Variants in ARCN1 observed in about 807,000 individuals in gnomAD.
The protein encoded by ARCN1 is coatomer subunit delta.
A neutral mutation model predicts 60.4 loss-of-function variants in ARCN1; 5 were observed. The observed-to-expected ratio is 0.08, with a 90% CI of 0.04 to 0.17. ARCN1 has a LOEUF of 0.17. Among genes scored for constraint, ARCN1 ranks in the 10% least tolerant of loss-of-function variants. The pLI, the probability that ARCN1 is intolerant of heterozygous loss-of-function variation, is 1.00. For synonymous variants in ARCN1, 224 were observed against 220.0 expected (o/e 1.02, Z -0.16); for missense variants, 464 against 626.5 (o/e 0.74, Z 2.77).
At chr11:118,578,231 C>T (rs1341396425) in intron 1 of ARCN1, among the ~76,000 whole-genome samples, 11 of 151,674 alleles carry the variant, frequency 7.3e-5, no homozygotes, top group Admixed American at 6.6e-4. Context: ...TAGTAACATA[C>T]ACCTTTTTGT....
chr11:118,596,363 C>T (rs999694793), intron 8 of ARCN1, among the ~76,000 whole-genome samples: 5 of 152,120 alleles, frequency 3.3e-5, no homozygotes, highest in African/African-American at 1.2e-4. Flanking sequence ...ATTTTGAGGC[C>T]TGTCTACCCT....
At chr11:118,585,129 G>A (rs548115568) in intron 5 of ARCN1, among the ~76,000 whole-genome samples, 3 of 151,618 alleles carry the variant, frequency 2.0e-5, no homozygotes, top group Non-Finnish European at 2.9e-5. Flanking sequence ...CCCGGCTGTT[G>A]TTTTGTTTTA....
intron 1 of ARCN1, chr11:118,573,862 A>G (rs1565356355): frequency 7.6e-6 from 4 of 523,218 alleles, no homozygotes; most frequent in Non-Finnish European, 1.4e-5. Flanking sequence ...TTGTATTTTC[A>G]GTTTCTCCAG....
intron 2 of ARCN1, among the ~76,000 whole-genome samples, chr11:118,582,818 A>C (rs868929505): frequency 2.0e-5 from 3 of 151,858 alleles, no homozygotes; most frequent in Non-Finnish European, 2.9e-5. Context: ...AGGCAAGCGG[A>C]TCACCTGAGG....
At chr11:118,597,976 T>C in intron 9 of ARCN1, 65 bp downstream of exon 9, 1 of 1,524,414 alleles carries the variant, frequency 6.6e-7, no homozygotes, top group South Asian at 1.2e-5. Context: ...ACGTATAGGA[T>C]GCCAGACAGG....
At chr11:118,572,655 A>T in intron 1 of ARCN1, 105 bp downstream of exon 1, 4 of 1,444,830 alleles carry the variant, frequency 2.8e-6, no homozygotes, top group Non-Finnish European at 3.8e-6. Flanking sequence ...CTGAGGGTCT[A>T]GGGCAGAGTG....
chr11:118,581,405 A>C lies in ARCN1; in HGVS notation c.163A>C (p.Arg55=), dbSNP rs530734033. The part of the protein sequence containing the change: ...QHTFVETESV[R]YVYQPMEKLY... ...TACGTTTGTTGAAACAGAGAGTGTA[A>C]GATATGTCTACCAGCCTATGGAGAA... The change falls in exon 2 of 10, where the codon AGA becomes CGA. Residue 55 remains arginine (R), a synonymous_variant. Transcript: ENST00000264028. 64 of 1,614,192 alleles carry C rather than the reference A, an allele frequency of 4.0e-5. No homozygotes were observed. The South Asian group carries it at 6.4e-4, about 16-fold the overall frequency.
rs782747110 is a variant in ARCN1 at position 118,590,525 on chromosome 11, T to C, written c.984+19T>C. The C allele has an allele frequency of 1.1e-5, 17 of 1,612,934 alleles. No homozygotes were observed. In the South Asian group the frequency reaches 1.9e-4, roughly 18 times the overall value. ...GCTACAGGTGTGTAGAAGCTTTTGA[T>C]AGGGAGTATTAACACTTTGTCTACC... On this transcript the variant is annotated intron_variant, in intron 6 of 9. Transcript: ENST00000264028.
intron 1 of ARCN1, among the ~76,000 whole-genome samples, chr11:118,581,040 A>G (rs1263834260): frequency 1.3e-5 from 2 of 152,094 alleles, no homozygotes; most frequent in Admixed American, 6.6e-5. Flanking sequence ...GGATTTCTTG[A>G]GCCCAGGAGT....
At chr11:118,592,969 A>T in intron 7 of ARCN1, 113 bp downstream of exon 7, 1 of 1,158,792 alleles carries the variant, frequency 8.6e-7, no homozygotes, top group Non-Finnish European at 1.2e-6. Flanking sequence ...TGACAAAATG[A>T]CTTTCTTTTG....
chr11:118,574,815 G>C (rs1555073158), intron 1 of ARCN1, among the ~76,000 whole-genome samples: 2 of 151,910 alleles, frequency 1.3e-5, no homozygotes, highest in African/African-American at 4.8e-5. Flanking sequence ...GAGGGCAGTA[G>C]CTATTCACAG....
intron 8 of ARCN1, among the ~76,000 whole-genome samples, chr11:118,594,667 A>G (rs1938986659): frequency 6.6e-6 from 1 of 152,146 alleles, no homozygotes; most frequent in African/African-American, 2.4e-5. Flanking sequence ...CTCCTGCCTC[A>G]GCCTCCCGAG....
intron 1 of ARCN1, among the ~76,000 whole-genome samples, chr11:118,577,177 ACT>A (rs1459480135): frequency 1.3e-5 from 2 of 151,944 alleles, no homozygotes; most frequent in Non-Finnish European, 2.9e-5. Flanking sequence ...ATAGAGCAAG[ACT>A]CTGTTTCAAA....
At chr11:118,597,444 A>T (rs963840715) in intron 8 of ARCN1, among the ~76,000 whole-genome samples, 4 of 152,182 alleles carry the variant, frequency 2.6e-5, no homozygotes, top group African/African-American at 2.4e-5. Context: ...TCTAGTCCTT[A>T]AGTTGGAGCA....
chr11:118,594,385 C>G (rs1306382532), intron 8 of ARCN1, among the ~76,000 whole-genome samples: 1 of 151,932 alleles, frequency 6.6e-6, no homozygotes, highest in Admixed American at 6.6e-5. Context: ...TAAGCGTGAG[C>G]CACCACACCC....
At position 118,601,429 on chromosome 11, in the gene ARCN1, A is replaced by T. The variant is rs377711175; in HGVS notation, c.*715A>T. 1,273 of 605,294 alleles carry T rather than the reference A, an allele frequency of 2.1e-3. 11 individuals are homozygous for T. Among genetic ancestry groups the T allele is most frequent in the African/African-American group, 0.019 (1,027 of 53,804 alleles). 37.5% of individuals were successfully genotyped at this position (605,294 alleles called of 1,614,324 possible). Reference sequence around the variant, plus strand: ...TATATTTCATACTTAGTTTGTTTTTAAAAAGTTTTCTCTGTAGAAAATTTT... The same window carrying T: ...TATATTTCATACTTAGTTTGTTTTTTAAAAGTTTTCTCTGTAGAAAATTTT... On this transcript the variant is annotated 3_prime_UTR_variant, in exon 10 of 10. Transcript: ENST00000264028.
intron 1 of ARCN1, chr11:118,573,479 G>C: frequency 4.1e-6 from 2 of 488,346 alleles, no homozygotes; most frequent in Non-Finnish European, 7.3e-6. Context: ...TTCCTTTATC[G>C]CTGTGATTTG....
intron 1 of ARCN1, among the ~76,000 whole-genome samples, chr11:118,577,128 A>T (rs1395565209): frequency 1.3e-5 from 2 of 152,214 alleles, no homozygotes; most frequent in African/African-American, 4.8e-5. Flanking sequence ...TTGAGGCTGC[A>T]CTGAGCCAAG....
chr11:118,597,663 C>A, intron 8 of ARCN1, 44 bp from the exon 9 acceptor site: 2 of 1,600,490 alleles, frequency 1.2e-6, no homozygotes, highest in Non-Finnish European at 1.7e-6. Flanking sequence ...TGGTGGAGTT[C>A]TAGCTCTGAA....
Sources: gnomAD v4.1 joint callset for allele counts (sites outside exome capture counted in the v4.1 genomes callset) on GRCh38, gnomAD v4.1.1 for gene constraint, MANE v1.5 for transcripts, NCBI Gene and HGNC (gene_info 2026-07-23, HGNC 2026-07-21) for gene names.